THPO: variants seen among roughly 807,000 people sequenced by gnomAD.
THPO encodes thrombopoietin, also known as MPL ligand.
Under a neutral mutation model 17.0 loss-of-function variants are expected in THPO, and 12 were observed. The ratio of observed to expected loss-of-function variants is 0.71; its 90% CI spans 0.45 to 1.14. The LOEUF is 1.14. THPO is among the 50% of genes most tolerant of loss of function. The pLI is 0.00. For synonymous variants in THPO, 188 were observed against 183.0 expected, an observed-to-expected ratio of 1.03 and a Z score of -0.22; for missense variants, 365 against 427.5, an observed-to-expected ratio of 0.85 and a Z score of 1.29.
rs1333451303 is a variant in THPO at position 184,373,047 on chromosome 3, G to T, written c.528C>A (p.Ala176=). The T allele has an allele frequency of 1.2e-6, 2 of 1,614,038 alleles. No individual in the cohort carries two copies. The highest frequency in any genetic ancestry group is 3.3e-5 in the Admixed American group (2 of 60,012). The change falls in exon 6 of 6, where the codon GCC becomes GCA. Residue 176 remains alanine, a synonymous_variant. Transcript: ENST00000647395. The part of the protein sequence containing the change: ...VGGSTLCVRR[A]PPTTAVPSRT... ...TGCTGGGGACAGCTGTGGTGGGTGG[G>T]GCCCGCCTGACGCAGAGGGTGGACC...
Position 184,375,889 on chromosome 3 carries a change from A to C in THPO, c.140T>G (p.Leu47Arg). Residue 47 changes from leucine (L) to arginine (R), a missense_variant and splice_region_variant, in exon 3 of 6, where the codon CTG becomes CGG. Transcript: ENST00000647395. ...LRDSHVLHSR[L>R]SQCPEVHPLP... ...GGGGATAATGTTGGGAGTTCTCACC[A>C]GTCTGCTGTGAAGGACATGGGAGTC... 1 of 1,613,286 alleles carries C rather than the reference A, an allele frequency of 6.2e-7. No individual in the cohort carries two copies. The highest frequency in any genetic ancestry group is 1.3e-5 in the African/African-American group (1 of 74,988).
upstream of THPO, chr3:184,378,810 C>T: frequency 1.0e-6 from 1 of 985,376 alleles, no homozygotes; most frequent in Non-Finnish European, 1.2e-6. Flanking sequence ...ACACACAGAC[C>T]TCTGTGCCCA....
chr3:184,375,540 C>T lies in THPO; in HGVS notation c.203G>A (p.Ser68Asn), dbSNP rs141465516. 1.9e-6 allele frequency: 3 copies of T among 1,614,048 alleles called. No homozygotes were observed. The highest frequency in any genetic ancestry group is 2.7e-5 in the African/African-American group (2 of 74,904). The change falls in exon 4 of 6, where the codon AGC becomes AAC. Residue 68 changes from serine to asparagine, a missense_variant. Transcript: ENST00000647395. ...CATCTGGGTTTTCCATTCTCCCAAG[C>T]TAAAGTCCACAGCAGGCAGCAGGAC... is the stretch of plus-strand genomic sequence containing the variant. ...TPVLLPAVDF[S>N]LGEWKTQMEE...
At chr3:184,377,951 C>T in intron 1 of THPO, 124 bp downstream of exon 1, 3 of 738,670 alleles carry the variant, frequency 4.1e-6, no homozygotes, top group Non-Finnish European at 5.0e-6. Flanking sequence ...GAAGGCTACA[C>T]TCTTCTCGAC....
chr3:184,375,391 T>A, intron 4 of THPO, 124 bp downstream of exon 4: 1 of 951,610 alleles, frequency 1.1e-6, no homozygotes, highest in East Asian at 2.5e-5. Flanking sequence ...TAGATTGGGT[T>A]AGGGTGGCCA....
chr3:184,372,879 C>T lies in THPO; in HGVS notation c.696G>A (p.Leu232=). ...QQGFRAKIPG[L]LNQTSRSLDQ... Reference sequence around the variant, plus strand: ...CCAGGGACCTGGAGGTTTGGTTCAGCAGACCAGGAATCTTGGCTCTGAATC... The same window carrying T: ...CCAGGGACCTGGAGGTTTGGTTCAGTAGACCAGGAATCTTGGCTCTGAATC... The change falls in exon 6 of 6, where the codon CTG becomes CTA. Residue 232 remains leucine, a synonymous_variant. Transcript: ENST00000647395. The T allele has an allele frequency of 6.2e-7, 1 of 1,613,978 alleles. No homozygotes were observed. The highest frequency in any genetic ancestry group is 8.5e-7 in the Non-Finnish European group (1 of 1,179,964).
intron 3 of THPO, 101 bp downstream of exon 3, chr3:184,375,787 G>A (rs1030991064): frequency 6.4e-7 from 1 of 1,571,248 alleles, no homozygotes; most frequent in Non-Finnish European, 8.7e-7. Context: ...GGGAAGAATA[G>A]TCATTGGGTC....
chr3:184,373,080 A>G lies in THPO; in HGVS notation c.495T>C (p.Leu165=), dbSNP rs371183267. The G allele has an allele frequency of 1.6e-5, 26 of 1,613,892 alleles. No individual in the cohort carries two copies. The highest frequency in any genetic ancestry group is 2.2e-5 in the Non-Finnish European group (26 of 1,180,014). Residue 165 remains leucine, a synonymous_variant, in exon 6 of 6, where the codon CTT becomes CTC. Coordinates refer to ENST00000647395, the MANE Select transcript of THPO (RefSeq NM_000460.4). The part of the protein sequence containing the change: ...LLRGKVRFLM[L]VGGSTLCVRR... The stretch of plus-strand genomic sequence containing the variant: ...TGACGCAGAGGGTGGACCCTCCTAC[A>G]AGCATCAGGAAACGCACCTTTCCTC...
chr3:184,375,733 A>G, intron 3 of THPO, 132 bp from the exon 4 acceptor site: 1 of 1,480,070 alleles, frequency 6.8e-7, no homozygotes, highest in Non-Finnish European at 9.4e-7. Flanking sequence ...TATTGTGAAG[A>G]ATAATCCTTG....
chr3:184,376,566 C>T (rs981983390), intron 1 of THPO, among the ~76,000 whole-genome samples, 162 bp from the exon 2 acceptor site: 3 of 152,226 alleles, frequency 2.0e-5, no homozygotes, highest in South Asian at 2.1e-4. Context: ...TATGGTGTGC[C>T]GGGTGCAGTG....
rs1175754830 is a variant in THPO, at chr3:184,375,952, G to A, written c.77C>T (p.Pro26Leu). The change falls in exon 3 of 6, where the codon CCT (proline) becomes CTT (leucine). Residue 26 changes from proline to leucine, a missense_variant. Coordinates refer to ENST00000647395, the MANE Select transcript of THPO (RefSeq NM_000460.4). ...ARLTLSSPAP[P>L]ACDLRVLSKL... ...ACTGAGGACTCGGAGGTCACAAGCA[G>A]GAGGAGCCGGGCTGGACAGCGTTAG... The A allele has an allele frequency of 1.9e-6, 3 of 1,613,826 alleles. No homozygotes were observed. The highest frequency in any genetic ancestry group is 2.5e-6 in the Non-Finnish European group (3 of 1,179,970).
intron 1 of THPO, 101 bp from the exon 2 acceptor site, chr3:184,376,505 C>G (rs1714412877): frequency 8.0e-7 from 1 of 1,257,808 alleles, no homozygotes; most frequent in Admixed American, 2.9e-5. Flanking sequence ...GCTGACCAGC[C>G]TGGAACTGCC....
rs1713992899 is a variant in THPO, at chr3:184,372,619, T to C, written c.956A>G (p.Gln319Arg). The stretch of plus-strand genomic sequence containing the variant: ...AGGGTCAGGAAGCAGGGGGTGGAGC[T>C]GGACCACAGGGGTGGGCAAGGTGGG... ...LPPTLPTPVV[Q>R]LHPLLPDPSA... The change falls in exon 6 of 6, where the codon CAG (glutamine) becomes CGG (arginine). Residue 319 changes from glutamine to arginine, a missense_variant. By Grantham distance (43) the Gln-to-Arg change is conservative. Transcript: ENST00000647395. The C allele has an allele frequency of 6.2e-7, 1 of 1,613,052 alleles. No individual in the cohort carries two copies. The highest frequency in any genetic ancestry group is 1.3e-5 in the African/African-American group (1 of 74,754).
Position 184,376,267 on chromosome 3 carries a change from G to C in THPO, c.-8C>G. 3 of 1,614,156 alleles carry C rather than the reference G, an allele frequency of 1.9e-6. No individual in the cohort carries two copies. Among genetic ancestry groups the C allele is most frequent in the Non-Finnish European group, 2.5e-6 (3 of 1,180,012 alleles). The stretch of plus-strand genomic sequence containing the variant: ...CTCACCAGTCAGCTCCATTCTGGCC[G>C]GGGTGTCTGGCTGGCGTGGCTCCCT... On this transcript the variant is annotated 5_prime_UTR_variant, in exon 2 of 6. Transcript: ENST00000647395.
At chr3:184,379,674 T>C (rs1490155841), upstream of THPO, among the ~76,000 whole-genome samples, 1 of 152,136 alleles carries the variant, frequency 6.6e-6, no homozygotes, top group East Asian at 1.9e-4. Context: ...GGTCCAGGCC[T>C]CAGGCCTAGC....
Position 184,378,061 on chromosome 3 carries a change from T to C in THPO, c.-146+14A>G. The C allele has an allele frequency of 1.0e-6, 1 of 985,576 alleles. No homozygotes were observed. Among genetic ancestry groups the C allele is most frequent in the Non-Finnish European group, 1.2e-6 (1 of 830,050 alleles). The allele number at this position is 985,576 out of a possible 1,614,324, so 61.1% of individuals were successfully genotyped here. A position where few individuals can be genotyped will look rare whatever the true frequency, so the allele number is the denominator to read the frequency against. ...TCTACCCTCACATAACCCCACACCCTGCTGGCCACTCACCGGGTGGAGAAG... is the reference window on the plus strand; with the variant it reads ...TCTACCCTCACATAACCCCACACCCCGCTGGCCACTCACCGGGTGGAGAAG... On this transcript the variant is annotated intron_variant, in intron 1 of 5. Transcript: ENST00000647395.
At chr3:184,374,458 CAT>C (rs1714219520) in intron 4 of THPO, among the ~76,000 whole-genome samples, 3 of 152,300 alleles carry the variant, frequency 2.0e-5, no homozygotes, top group East Asian at 1.9e-4. Flanking sequence ...TTTCTAGACA[CAT>C]GTTAGTTTAA....
chr3:184,378,756 G>A, upstream of THPO: 1 of 975,016 alleles, frequency 1.0e-6, no homozygotes, highest in South Asian at 4.7e-5. Context: ...TTAAGCCTGA[G>A]CTTAGGTGCT....
At chr3:184,373,282 G>T (rs1407507543) in intron 5 of THPO, 104 bp from the exon 6 acceptor site, 2 of 1,564,422 alleles carry the variant, frequency 1.3e-6, no homozygotes, top group African/African-American at 2.7e-5. Context: ...CATTGTGGCT[G>T]GCAGGGAGCA....
Sources: allele counts gnomAD v4.1 joint callset (sites outside exome capture counted in the v4.1 genomes callset), GRCh38; gene constraint gnomAD v4.1.1; transcripts MANE v1.5; gene names NCBI Gene and HGNC (gene_info 2026-07-23, HGNC 2026-07-21).